The following CCDC178 variants were observed in gnomAD, a reference collection of about 807,000 sequenced individuals.
CCDC178 encodes the protein coiled-coil domain containing 178.
A neutral mutation model predicts 117.4 loss-of-function variants in CCDC178; 126 were observed. The observed-to-expected ratio is 1.07, with a 90% CI of 0.93 to 1.24. CCDC178 has a LOEUF of 1.24. Among genes scored for constraint, CCDC178 ranks in the 50% most tolerant of loss-of-function variants. The pLI, the probability that CCDC178 is intolerant of heterozygous loss-of-function variation, is 0.00. For synonymous variants in CCDC178, 283 were observed against 313.4 expected (o/e 0.90, Z 1.02); for missense variants, 1,030 against 986.9 (o/e 1.04, Z -0.59).
At chr18:33,377,101 T>C (rs984218676) in intron 5 of CCDC178, among the ~76,000 whole-genome samples, 1 of 152,148 alleles carries the variant, frequency 6.6e-6, no homozygotes, top group Non-Finnish European at 1.5e-5. Flanking sequence ...CTCTGCAGAG[T>C]TGTCAGCATC....
chr18:33,085,519 C>T (rs1001591223), intron 21 of CCDC178, among the ~76,000 whole-genome samples: 16 of 152,136 alleles, frequency 1.1e-4, no homozygotes, highest in Admixed American at 3.3e-4. Flanking sequence ...GCCGAGATCG[C>T]GCCACTGCAC....
At chr18:33,328,963 T>C (rs964066996) in intron 10 of CCDC178, among the ~76,000 whole-genome samples, 3 of 152,192 alleles carry the variant, frequency 2.0e-5, no homozygotes, top group African/African-American at 7.2e-5. Context: ...ATTCAATTCT[T>C]ATTCAATTTA....
rs1326682668 is a variant in CCDC178, at chr18:33,211,938, T to G, written c.2196A>C (p.Arg732Ser). The G allele has an allele frequency of 6.2e-7, 1 of 1,609,706 alleles. No homozygotes were observed. The highest frequency in any genetic ancestry group is 2.2e-5 in the East Asian group (1 of 44,692). ...ERIFEEDQRFRVLLAVRQKTL... is the reference protein window; with the variant it reads ...ERIFEEDQRFSVLLAVRQKTL... Reference sequence around the variant, plus strand: ...TTTTTTGTCTTACAGCAAGGAGCACTCTAAATCTCTGATCTTCCTCAAAGA... The same window carrying G: ...TTTTTTGTCTTACAGCAAGGAGCACGCTAAATCTCTGATCTTCCTCAAAGA... The change falls in exon 20 of 23, where the codon AGA (arginine) becomes AGC (serine). Residue 732 changes from arginine to serine, a missense_variant. Coordinates refer to ENST00000383096, the MANE Select transcript of CCDC178 (RefSeq NM_001105528.4).
At chr18:33,364,705 C>T (rs111844671) in intron 6 of CCDC178, among the ~76,000 whole-genome samples, 3 of 144,810 alleles carry the variant, frequency 2.1e-5, no homozygotes, top group African/African-American at 5.1e-5. Context: ...GAGATAACAA[C>T]AGTTTGAAGC....
chr18:33,232,695 T>C (rs2059381149), intron 15 of CCDC178, among the ~76,000 whole-genome samples: 1 of 152,188 alleles, frequency 6.6e-6, no homozygotes, highest in African/African-American at 2.4e-5. Context: ...CGAAAGTATA[T>C]GTGTTTCTGG....
At chr18:33,124,305 C>G (rs1488758114) in intron 20 of CCDC178, among the ~76,000 whole-genome samples, 1 of 152,172 alleles carries the variant, frequency 6.6e-6, no homozygotes, top group Non-Finnish European at 1.5e-5. Flanking sequence ...CTTGTCTCAT[C>G]GATAACAAAT....
At chr18:33,161,853 A>G (rs2058468836) in intron 20 of CCDC178, among the ~76,000 whole-genome samples, 5 of 152,086 alleles carry the variant, frequency 3.3e-5, no homozygotes, top group Admixed American at 3.3e-4. Flanking sequence ...AGTCTTTGCT[A>G]TTGTGAATAG....
intron 2 of CCDC178, among the ~76,000 whole-genome samples, chr18:33,415,656 C>T (rs914032789): frequency 3.3e-5 from 5 of 152,060 alleles, no homozygotes; most frequent in African/African-American, 1.2e-4. Context: ...TGTAACAAAC[C>T]TGCACGTTGT....
intron 22 of CCDC178, among the ~76,000 whole-genome samples, chr18:32,965,498 T>C (rs917825287): frequency 6.6e-6 from 1 of 151,968 alleles, no homozygotes; most frequent in Non-Finnish European, 1.5e-5. Flanking sequence ...TATATGTGTG[T>C]TTATTTATGT....
chr18:33,062,807 G>A (rs893182901), intron 21 of CCDC178, among the ~76,000 whole-genome samples: 10 of 152,084 alleles, frequency 6.6e-5, no homozygotes, highest in African/African-American at 2.4e-4. Flanking sequence ...AGGCCACACA[G>A]TCCCTTATTT....
chr18:32,968,737 CA>C (rs2054867705), intron 22 of CCDC178, among the ~76,000 whole-genome samples: 1 of 152,008 alleles, frequency 6.6e-6, no homozygotes, highest in Non-Finnish European at 1.5e-5. Context: ...ATTCCTTGAG[CA>C]TAATATCTCT....
chr18:33,116,360 A>C (rs2057855630), intron 20 of CCDC178, among the ~76,000 whole-genome samples: 1 of 152,200 alleles, frequency 6.6e-6, no homozygotes, highest in African/African-American at 2.4e-5. Flanking sequence ...TGTAGAAATG[A>C]AACTGTGGAT....
intron 2 of CCDC178, among the ~76,000 whole-genome samples, chr18:33,412,842 G>A (rs756229740): frequency 3.9e-5 from 6 of 152,152 alleles, no homozygotes; most frequent in Middle Eastern, 6.8e-3. Context: ...AACAAGGTCC[G>A]TACATAGCAT....
At chr18:33,126,203 G>T (rs2058002276) in intron 20 of CCDC178, among the ~76,000 whole-genome samples, 1 of 151,802 alleles carries the variant, frequency 6.6e-6, no homozygotes, top group Non-Finnish European at 1.5e-5. Flanking sequence ...TTCAAATAGT[G>T]ATGACAGGAA....
chr18:33,329,704 T>C (rs2062637103), intron 10 of CCDC178, among the ~76,000 whole-genome samples: 2 of 152,144 alleles, frequency 1.3e-5, no homozygotes, highest in Non-Finnish European at 2.9e-5. Context: ...TAGGATTTTG[T>C]TGAGGATTTT....
At position 33,373,691 on chromosome 18, in the gene CCDC178, CCTAT is replaced by C. The variant is rs1234973380; in HGVS notation, c.209-3506_209-3503del. On this transcript the variant is annotated intron_variant, in intron 5 of 22. Transcript: ENST00000383096. ...TCTGCTGTTATCACATTTATGTTTTCCTATCTATCTTCCCCATGAAGTTCTTTCC... is the reference window on the plus strand; with the variant it reads ...TCTGCTGTTATCACATTTATGTTTTCCTATCTTCCCCATGAAGTTCTTTCC... 3.3e-5 allele frequency among the ~76,000 whole-genome samples: 5 copies of C among 152,106 alleles called. No individual in the cohort carries two copies. In the South Asian group the frequency reaches 6.2e-4, roughly 19 times the overall value.
chr18:33,098,006 G>A (rs2057568243), intron 20 of CCDC178, among the ~76,000 whole-genome samples: 1 of 152,046 alleles, frequency 6.6e-6, no homozygotes, highest in Non-Finnish European at 1.5e-5. Flanking sequence ...GTAGAACTGT[G>A]GACTATGGTT....
chr18:33,289,082 T>A (rs2060135512), intron 12 of CCDC178, among the ~76,000 whole-genome samples: 1 of 152,130 alleles, frequency 6.6e-6, no homozygotes, highest in African/African-American at 2.4e-5. Flanking sequence ...TTTAGTGGGT[T>A]GGTTTTTTTG....
intron 3 of CCDC178, among the ~76,000 whole-genome samples, chr18:33,408,148 G>A (rs2063806187): frequency 6.6e-6 from 1 of 151,794 alleles, no homozygotes; most frequent in African/African-American, 2.4e-5. Context: ...GGAAAAAAAA[G>A]TCCAGAAAAA....
Sources: gnomAD v4.1 joint callset for allele counts (sites outside exome capture counted in the v4.1 genomes callset) on GRCh38, gnomAD v4.1.1 for gene constraint, MANE v1.5 for transcripts, NCBI Gene and HGNC (gene_info 2026-07-23, HGNC 2026-07-21) for gene names.